ACTR3B: variants seen among roughly 807,000 people sequenced by gnomAD.
ACTR3B encodes the protein actin-related protein 3B.
In ACTR3B, 8 loss-of-function variants were observed where a neutral mutation model predicts 59.0. The ratio of observed to expected loss-of-function variants is 0.14; its 90% CI spans 0.08 to 0.24. The LOEUF is 0.24. Ranked by LOEUF, ACTR3B falls within the 10% of genes least tolerant of loss-of-function variation. The probability of loss-of-function intolerance (pLI) is 1.00; values close to 1 mark genes in which losing one functional copy is unlikely to be tolerated. For synonymous variants in ACTR3B, 148 were observed against 197.9 expected, an observed-to-expected ratio of 0.75 and a Z score of 2.12; for missense variants, 245 against 552.3, an observed-to-expected ratio of 0.44 and a Z score of 5.58.
chr7:152,764,912 T>C (rs1293501552), intron 1 of ACTR3B, among the ~76,000 whole-genome samples: 1 of 152,138 alleles, frequency 6.6e-6, no homozygotes, highest in Non-Finnish European at 1.5e-5. Flanking sequence ...AATGTCTTTG[T>C]TTTGTGTTGC....
chr7:152,759,869 C>T lies in ACTR3B; in HGVS notation c.-14C>T, dbSNP rs766161710. The T allele has an allele frequency of 1.1e-5, 15 of 1,318,938 alleles. No homozygotes were observed. Among genetic ancestry groups the T allele is most frequent in the Non-Finnish European group, 1.5e-5 (15 of 1,025,512 alleles). The allele number at this position is 1,318,938 out of a possible 1,614,324, so 81.7% of individuals were successfully genotyped here. A position where few individuals can be genotyped will look rare whatever the true frequency, so the allele number is the denominator to read the frequency against. On this transcript the variant is annotated 5_prime_UTR_variant, in exon 1 of 12. Transcript: ENST00000256001. ...TCGGGCTGCCGGCGGGGCCGAGCGC[C>T]GCGCGTCCCGAGCATGGCAGGCTCC...
chr7:152,789,406 C>T (rs2098187098), intron 2 of ACTR3B, among the ~76,000 whole-genome samples: 1 of 150,418 alleles, frequency 6.6e-6, no homozygotes, highest in South Asian at 2.1e-4. Context: ...ACAAGCAAAA[C>T]CCCAAGACAA....
intron 7 of ACTR3B, among the ~76,000 whole-genome samples, chr7:152,822,485 G>A (rs1009228832): frequency 6.6e-6 from 1 of 152,234 alleles, no homozygotes; most frequent in Admixed American, 6.5e-5. Context: ...GGTGCAGGGC[G>A]GGAATCGTTA....
intron 1 of ACTR3B, among the ~76,000 whole-genome samples, chr7:152,780,352 C>CAA (rs113559773): frequency 0.73 from 95,319 of 130,838 alleles, 34,503 homozygotes; most frequent in East Asian, 0.85. Context: ...AACTCTGTCT[C>CAA]AAAAAAAAAA....
chr7:152,850,165 C>T (rs774176533), intron 9 of ACTR3B, among the ~76,000 whole-genome samples: 1 of 148,196 alleles, frequency 6.7e-6, no homozygotes, highest in African/African-American at 2.5e-5. Context: ...GGAAGGCCAG[C>T]TTCTCCAGGT....
intron 9 of ACTR3B, among the ~76,000 whole-genome samples, chr7:152,834,274 C>G (rs1178473524): frequency 6.6e-6 from 1 of 152,028 alleles, no homozygotes; most frequent in Non-Finnish European, 1.5e-5. Context: ...CAGCCTCAGC[C>G]TCCCAAGTAG....
rs921502409 is a variant in ACTR3B, at chr7:152,759,848, G to A, written c.-35G>A. 3.2e-6 allele frequency: 4 copies of A among 1,246,732 alleles called. No individual in the cohort carries two copies. The highest frequency in any genetic ancestry group is 4.0e-6 in the Non-Finnish European group (4 of 992,516). The allele number at this position is 1,246,732 out of a possible 1,614,324, so 77.2% of individuals were successfully genotyped here. A position where few individuals can be genotyped will look rare whatever the true frequency, so the allele number is the denominator to read the frequency against. On this transcript the variant is annotated 5_prime_UTR_variant, in exon 1 of 12. Transcript: ENST00000256001. ...GCGGACGGCGACGGGGCGCTCTCGG[G>A]CTGCCGGCGGGGCCGAGCGCCGCGC...
chr7:152,849,573 A>T (rs1482138867), intron 9 of ACTR3B, among the ~76,000 whole-genome samples: 1 of 152,170 alleles, frequency 6.6e-6, no homozygotes, highest in Admixed American at 6.5e-5. Context: ...TGGGCCAGAA[A>T]CTCTTGGGCC....
chr7:152,836,215 T>C (rs1797444075), intron 9 of ACTR3B, among the ~76,000 whole-genome samples: 1 of 152,232 alleles, frequency 6.6e-6, no homozygotes, highest in Non-Finnish European at 1.5e-5. Context: ...ATAATCTTAC[T>C]GAAAGAAGTA....
chr7:152,765,802 A>G (rs1229717695), intron 1 of ACTR3B, among the ~76,000 whole-genome samples: 4 of 151,976 alleles, frequency 2.6e-5, no homozygotes, highest in Non-Finnish European at 5.9e-5. Flanking sequence ...AAAAAAGTTT[A>G]TTTGGCTCAC....
intron 4 of ACTR3B, among the ~76,000 whole-genome samples, chr7:152,806,692 C>T (rs182131017): frequency 6.6e-6 from 1 of 152,186 alleles, no homozygotes; most frequent in Non-Finnish European, 1.5e-5. Context: ...CTTGAGTCTA[C>T]CTCAGCTTTG....
chr7:152,825,114 C>T lies in ACTR3B; in HGVS notation c.943C>T (p.Leu315=), dbSNP rs780032055. ...CTGCCCCATCGATGTGCGGCGCCCG[C>T]TGTATAAGGTATGAGCTGCCTGGGT... ...QNCPIDVRRP[L]YKNVVLSGGS... The change falls in exon 9 of 12, where the codon CTG becomes TTG. Residue 315 remains leucine, a synonymous_variant. Coordinates refer to ENST00000256001, the MANE Select transcript of ACTR3B (RefSeq NM_020445.6). 10 of 1,613,664 alleles carry T rather than the reference C, an allele frequency of 6.2e-6. No individual in the cohort carries two copies. In the South Asian group the frequency reaches 1.1e-4, roughly 18 times the overall value.
intron 9 of ACTR3B, among the ~76,000 whole-genome samples, chr7:152,845,851 T>G (rs1224916801): frequency 6.6e-5 from 10 of 152,300 alleles, no homozygotes; most frequent in East Asian, 3.9e-4. Flanking sequence ...CTGAGCATTT[T>G]CTTAAGTGAA....
At chr7:152,844,698 A>C (rs1387474314) in intron 9 of ACTR3B, among the ~76,000 whole-genome samples, 2 of 150,792 alleles carry the variant, frequency 1.3e-5, no homozygotes, top group Non-Finnish European at 2.9e-5. Context: ...GATAAATTTT[A>C]TCTCTCACTA....
At chr7:152,773,203 T>G (rs1389945708) in intron 1 of ACTR3B, among the ~76,000 whole-genome samples, 1 of 149,116 alleles carries the variant, frequency 6.7e-6, no homozygotes, top group Non-Finnish European at 1.5e-5. Flanking sequence ...TGGACTCAAC[T>G]AAATTCACTT....
chr7:152,843,345 T>C (rs1798015849), intron 9 of ACTR3B, among the ~76,000 whole-genome samples: 1 of 152,258 alleles, frequency 6.6e-6, no homozygotes, highest in Non-Finnish European at 1.5e-5. Flanking sequence ...TGATAAATTT[T>C]GAGTTAATTT....
At chr7:152,784,475 C>T (rs1300960891) in intron 2 of ACTR3B, among the ~76,000 whole-genome samples, 2 of 151,966 alleles carry the variant, frequency 1.3e-5, no homozygotes. Flanking sequence ...AAAAACTGGC[C>T]ATGAATGTGA....
At chr7:152,820,475 G>A (rs201127372) in intron 7 of ACTR3B, 33 bp downstream of exon 7, 106,358 of 1,450,012 alleles carry the variant, frequency 0.073, no homozygotes, top group South Asian at 0.22. Context: ...CCGGTTTGGG[G>A]GTGAGAGAGA....
rs867455203 is a variant in ACTR3B at position 152,767,830 on chromosome 7, A to G, written c.44+7904A>G. Reference sequence around the variant, plus strand: ...TTCCTAGATTACATGGTGGTTTTTCATGGTAGTTACTCATTTTATAACGTG... The same window carrying G: ...TTCCTAGATTACATGGTGGTTTTTCGTGGTAGTTACTCATTTTATAACGTG... On this transcript the variant is annotated intron_variant, in intron 1 of 11. Coordinates refer to ENST00000256001, the MANE Select transcript of ACTR3B (RefSeq NM_020445.6). 4.5e-4 allele frequency among the ~76,000 whole-genome samples: 69 copies of G among 151,896 alleles called. 1 individual carries two copies. Among genetic ancestry groups the G allele is most frequent in the African/African-American group, 1.6e-3 (65 of 41,392 alleles).
Sources: allele counts gnomAD v4.1 joint callset (sites outside exome capture counted in the v4.1 genomes callset), GRCh38; gene constraint gnomAD v4.1.1; transcripts MANE v1.5; gene names NCBI Gene and HGNC (gene_info 2026-07-23, HGNC 2026-07-21).